Variants in CDYL2 observed in about 807,000 individuals in gnomAD.
CDYL2 encodes the protein chromodomain Y like 2, also known as chromodomain Y-like protein 2.
Under a neutral mutation model 49.4 loss-of-function variants are expected in CDYL2, and 23 were observed. The ratio of observed to expected loss-of-function variants is 0.47; its 90% CI spans 0.34 to 0.66. The LOEUF (loss-of-function observed/expected upper bound fraction) is 0.66, where lower values mean the gene tolerates loss of function less well. Among genes scored for constraint, CDYL2 ranks in the 30% least tolerant of loss-of-function variants. The probability of loss-of-function intolerance (pLI) is 0.01; values close to 1 mark genes in which losing one functional copy is unlikely to be tolerated. For synonymous variants in CDYL2, 360 were observed against 268.8 expected, an observed-to-expected ratio of 1.34 and a Z score of -3.32; for missense variants, 678 against 656.4, an observed-to-expected ratio of 1.03 and a Z score of -0.36.
chr16:80,632,930 G>T, intron 3 of CDYL2, 89 bp downstream of exon 3: 2 of 1,323,288 alleles, frequency 1.5e-6, no homozygotes, highest in South Asian at 1.3e-5. Flanking sequence ...TCAGCTCCCT[G>T]ATGGAAGGAA....
At chr16:80,726,707 A>C (rs976626965) in intron 1 of CDYL2, among the ~76,000 whole-genome samples, 14 of 152,206 alleles carry the variant, frequency 9.2e-5, no homozygotes, top group Non-Finnish European at 1.9e-4. Context: ...GGGTTGAAAC[A>C]TGGAATATAC....
At chr16:80,630,503 T>C (rs998742113) in intron 3 of CDYL2, among the ~76,000 whole-genome samples, 7 of 152,214 alleles carry the variant, frequency 4.6e-5, no homozygotes, top group African/African-American at 1.7e-4. Context: ...GCAGATGTCA[T>C]GATGAGCTTA....
intron 4 of CDYL2, among the ~76,000 whole-genome samples, chr16:80,614,837 C>G (rs996191164): frequency 2.8e-5 from 4 of 144,768 alleles, no homozygotes; most frequent in Non-Finnish European, 4.5e-5. Context: ...GCATTCCAGC[C>G]TGGGAAACAG....
At chr16:80,799,834 G>A (rs998133696) in intron 1 of CDYL2, among the ~76,000 whole-genome samples, 16 of 152,262 alleles carry the variant, frequency 1.1e-4, no homozygotes, top group East Asian at 3.9e-4. Flanking sequence ...TGTCTTCTAC[G>A]TGCCCAAGAA....
intron 1 of CDYL2, among the ~76,000 whole-genome samples, chr16:80,733,482 G>A (rs1034065393): frequency 2.0e-5 from 3 of 152,162 alleles, no homozygotes; most frequent in African/African-American, 7.2e-5. Flanking sequence ...GTTTATGGAG[G>A]CTTCCTTGAA....
At chr16:80,605,303 T>A (rs1906280557) in intron 6 of CDYL2, among the ~76,000 whole-genome samples, 2 of 148,954 alleles carry the variant, frequency 1.3e-5, no homozygotes, top group South Asian at 4.2e-4. Flanking sequence ...AACACATATG[T>A]ATATAGGTAA....
intron 4 of CDYL2, among the ~76,000 whole-genome samples, chr16:80,615,309 A>G (rs1436788459): frequency 6.6e-6 from 1 of 151,930 alleles, no homozygotes; most frequent in African/African-American, 2.4e-5. Flanking sequence ...TCTGCGGGGG[A>G]TATGGACTTT....
Position 80,617,213 on chromosome 16 carries a change from G to C in CDYL2, c.1007+3550C>G, listed in dbSNP as rs183785647. 5.2e-4 allele frequency among the ~76,000 whole-genome samples: 79 copies of C among 152,298 alleles called. 1 individual carries two copies. Among genetic ancestry groups the C allele is most frequent in the Admixed American group, 5.1e-3 (78 of 15,296 alleles). On this transcript the variant is annotated intron_variant, in intron 4 of 6. Coordinates refer to ENST00000570137, the MANE Select transcript of CDYL2 (RefSeq NM_152342.4). ...AGTCACCAGTCCCAGTCACGTGTATGCAAGTTTTCTTTAGGCAAGGATGAG... is the reference window on the plus strand; with the variant it reads ...AGTCACCAGTCCCAGTCACGTGTATCCAAGTTTTCTTTAGGCAAGGATGAG...
At chr16:80,757,606 A>C (rs1378165587) in intron 1 of CDYL2, among the ~76,000 whole-genome samples, 1 of 151,294 alleles carries the variant, frequency 6.6e-6, no homozygotes, top group African/African-American at 2.4e-5. Flanking sequence ...TTGATATTTT[A>C]TATCAAAATA....
intron 6 of CDYL2, among the ~76,000 whole-genome samples, chr16:80,607,143 G>A (rs6564769): frequency 0.4 from 61,259 of 151,664 alleles, 13,006 homozygotes; most frequent in African/African-American, 0.51. Context: ...CTCGTGGCCC[G>A]CGTGAGTGTT....
At chr16:80,710,797 A>G (rs553090805) in intron 1 of CDYL2, among the ~76,000 whole-genome samples, 1 of 152,244 alleles carries the variant, frequency 6.6e-6, no homozygotes, top group East Asian at 1.9e-4. Flanking sequence ...TTAAAAGCTA[A>G]GTCACCAAGA....
At chr16:80,606,034 G>A (rs1325646688) in intron 6 of CDYL2, among the ~76,000 whole-genome samples, 2 of 152,160 alleles carry the variant, frequency 1.3e-5, no homozygotes, top group Admixed American at 6.5e-5. Context: ...TGAGGCCTTC[G>A]TGCATTCTTC....
At chr16:80,771,436 G>C (rs1315847209) in intron 1 of CDYL2, among the ~76,000 whole-genome samples, 1 of 152,212 alleles carries the variant, frequency 6.6e-6, no homozygotes, top group Non-Finnish European at 1.5e-5. Context: ...CAGTGCAGTA[G>C]ATCACCCCTG....
chr16:80,805,001 C>T (rs1276695594), upstream of CDYL2, among the ~76,000 whole-genome samples: 6 of 152,136 alleles, frequency 3.9e-5, no homozygotes, highest in Non-Finnish European at 8.8e-5. Context: ...ATGTGGAGGC[C>T]ACAGGGAGGA....
chr16:80,645,608 C>T (rs1908305208), intron 2 of CDYL2, among the ~76,000 whole-genome samples: 2 of 152,028 alleles, frequency 1.3e-5, no homozygotes, highest in South Asian at 2.1e-4. Context: ...CTAAAAATAC[C>T]ATTTGACCCA....
In CDYL2 at chr16:80,732,720, G is replaced by A. The variant is rs149300014; in HGVS notation, c.25-47591C>T. 2.9e-3 allele frequency among the ~76,000 whole-genome samples: 435 copies of A among 152,230 alleles called. 1 individual carries two copies. Among genetic ancestry groups the A allele is most frequent in the African/African-American group, 9.6e-3 (398 of 41,542 alleles). On this transcript the variant is annotated intron_variant, in intron 1 of 6. Transcript: ENST00000570137. ...CATTTACAAGGAAGCCTAAGAATCC[G>A]GGCATTACATGAGATTTGAAGATGA...
intron 1 of CDYL2, among the ~76,000 whole-genome samples, chr16:80,717,052 G>T (rs1488329006): frequency 1.3e-5 from 2 of 151,344 alleles, no homozygotes; most frequent in Non-Finnish European, 2.9e-5. Context: ...ACGGATGGAT[G>T]GATAGATGGA....
chr16:80,711,115 C>T (rs1336480133), intron 1 of CDYL2, among the ~76,000 whole-genome samples: 4 of 152,148 alleles, frequency 2.6e-5, no homozygotes, highest in Non-Finnish European at 4.4e-5. Flanking sequence ...TTGTGCTACG[C>T]GACTGGCAAA....
chr16:80,616,871 T>G (rs13330920), intron 4 of CDYL2, among the ~76,000 whole-genome samples: 10,963 of 152,240 alleles, frequency 0.072, 612 homozygotes, highest in African/African-American at 0.15. Context: ...AGTACCATCA[T>G]TTTGATTGTT....
Sources: gnomAD v4.1 joint callset for allele counts (sites outside exome capture counted in the v4.1 genomes callset) on GRCh38, gnomAD v4.1.1 for gene constraint, MANE v1.5 for transcripts, NCBI Gene and HGNC (gene_info 2026-07-23, HGNC 2026-07-21) for gene names.